The following TBCK variants were observed in gnomAD, a reference collection of about 807,000 sequenced individuals.
The protein encoded by TBCK is TBC domain-containing protein kinase-like protein.
In TBCK, 99 loss-of-function variants were observed where a neutral mutation model predicts 113.4. The ratio of observed to expected loss-of-function variants is 0.87; its 90% CI spans 0.74 to 1.03. The LOEUF is 1.03. TBCK is among the 50% of genes least tolerant of loss of function. The probability of loss-of-function intolerance (pLI) is 0.00; values close to 1 mark genes in which losing one functional copy is unlikely to be tolerated. For synonymous variants in TBCK, 369 were observed against 370.8 expected (o/e 1.00, Z 0.05); for missense variants, 1,045 against 1,061.3 (o/e 0.98, Z 0.21).
chr4:106,297,304 T>G (rs1766417807), intron 2 of TBCK, among the ~76,000 whole-genome samples: 1 of 152,192 alleles, frequency 6.6e-6, no homozygotes, highest in South Asian at 2.1e-4. Flanking sequence ...TAATTTACTG[T>G]TAAAGTCTGT....
intron 25 of TBCK, among the ~76,000 whole-genome samples, chr4:106,081,007 A>G (rs1435496473): frequency 2.0e-5 from 3 of 152,204 alleles, no homozygotes; most frequent in Non-Finnish European, 4.4e-5. Context: ...GATTATTAAA[A>G]AGTCAAACAA....
chr4:106,279,231 C>G (rs1339762054), intron 3 of TBCK, among the ~76,000 whole-genome samples: 1 of 152,158 alleles, frequency 6.6e-6, no homozygotes. Context: ...TGATTGAATA[C>G]AGAAAATATA....
intron 23 of TBCK, among the ~76,000 whole-genome samples, chr4:106,123,803 G>A: frequency 6.7e-6 from 1 of 149,322 alleles, no homozygotes; most frequent in Non-Finnish European, 1.5e-5. Context: ...GCCATATGTA[G>A]AAAGCTGAAA....
intron 24 of TBCK, among the ~76,000 whole-genome samples, chr4:106,098,845 A>G (rs956688426): frequency 6.6e-6 from 1 of 152,040 alleles, no homozygotes; most frequent in Admixed American, 6.5e-5. Context: ...ATTCAGCTCA[A>G]TATTCCATTT....
At chr4:106,228,973 A>G (rs190424725) in intron 19 of TBCK, among the ~76,000 whole-genome samples, 1 of 152,130 alleles carries the variant, frequency 6.6e-6, no homozygotes, top group Admixed American at 6.5e-5. Flanking sequence ...TGTAGTTTTG[A>G]CTTGAATTTC....
intron 22 of TBCK, among the ~76,000 whole-genome samples, chr4:106,190,111 C>T (rs943952829): frequency 1.3e-5 from 2 of 152,104 alleles, no homozygotes; most frequent in African/African-American, 4.8e-5. Flanking sequence ...AGCCTACTGG[C>T]TATAATAAGC....
At chr4:106,288,033 T>C (rs1202429994) in intron 3 of TBCK, among the ~76,000 whole-genome samples, 1 of 151,366 alleles carries the variant, frequency 6.6e-6, no homozygotes, top group Non-Finnish European at 1.5e-5. Flanking sequence ...AACATCTTCA[T>C]TAACAACACA....
At position 106,308,336 on chromosome 4, in the gene TBCK, T is replaced by C. The variant is rs542757246; in HGVS notation, c.193+432A>G. Among the ~76,000 whole-genome samples the C allele has an allele frequency of 2.6e-5, 4 of 152,204 alleles. No individual in the cohort carries two copies. The South Asian group carries it at 8.3e-4, about 32-fold the overall frequency. On this transcript the variant is annotated intron_variant, in intron 2 of 25. Coordinates refer to ENST00000394708, the MANE Select transcript of TBCK (RefSeq NM_001163435.3). ...ATGTGATAAAAGCTATAAAAGAACT[T>C]AGGAAAAAGACTTAGCTCAGATTGC...
intron 23 of TBCK, among the ~76,000 whole-genome samples, chr4:106,131,487 C>G (rs1195760842): frequency 1.3e-5 from 2 of 152,130 alleles, no homozygotes; most frequent in African/African-American, 4.8e-5. Flanking sequence ...GTGGCGCATG[C>G]CTGTAATCCC....
At chr4:106,083,460 G>A (rs926435374) in intron 25 of TBCK, among the ~76,000 whole-genome samples, 9 of 152,194 alleles carry the variant, frequency 5.9e-5, no homozygotes, top group Admixed American at 1.3e-4. Flanking sequence ...CTGGGGGATC[G>A]GGGAGGTGGC....
At position 106,052,733 on chromosome 4, in the gene TBCK, C is replaced by T. The variant is rs1036298702; in HGVS notation, c.2572-6053G>A. Among the ~76,000 whole-genome samples the T allele has an allele frequency of 5.9e-5, 9 of 151,660 alleles. No individual in the cohort carries two copies. In the East Asian group the frequency reaches 1.5e-3, roughly 26 times the overall value. On this transcript the variant is annotated intron_variant, in intron 25 of 25. Coordinates refer to ENST00000394708, the MANE Select transcript of TBCK (RefSeq NM_001163435.3). ...TTTATTTCATGTCTTCCCATTCTTT[C>T]TCTGTACATTTTTATTTTAAAAAAA... is the stretch of plus-strand genomic sequence containing the variant.
intron 12 of TBCK, among the ~76,000 whole-genome samples, chr4:106,241,598 A>G (rs1027744706): frequency 6.6e-6 from 1 of 152,000 alleles, no homozygotes; most frequent in Non-Finnish European, 1.5e-5. Context: ...TATACATAGA[A>G]AAAGTTGGTA....
chr4:106,225,354 A>T (rs1334649402), intron 19 of TBCK, among the ~76,000 whole-genome samples: 1 of 152,236 alleles, frequency 6.6e-6, no homozygotes, highest in Non-Finnish European at 1.5e-5. Context: ...TAATACTTAG[A>T]GAAACAAGCA....
At chr4:106,102,040 T>C (rs1741615750) in intron 24 of TBCK, among the ~76,000 whole-genome samples, 1 of 152,234 alleles carries the variant, frequency 6.6e-6, no homozygotes, top group African/African-American at 2.4e-5. Context: ...TTTACCTAGA[T>C]TAACATTTCA....
chr4:106,270,307 A>C (rs1434844254), intron 3 of TBCK, among the ~76,000 whole-genome samples: 1 of 152,192 alleles, frequency 6.6e-6, no homozygotes. Context: ...GAGGATCTCA[A>C]GATTGGCTGC....
intron 19 of TBCK, among the ~76,000 whole-genome samples, chr4:106,221,092 G>T (rs1757624879): frequency 6.6e-6 from 1 of 152,236 alleles, no homozygotes; most frequent in South Asian, 2.1e-4. Flanking sequence ...GCTAATTAAG[G>T]ATCTGCTGAA....
intron 11 of TBCK, 75 bp from the exon 12 acceptor site, chr4:106,242,644 C>T: frequency 1.0e-6 from 1 of 975,324 alleles, no homozygotes; most frequent in East Asian, 2.7e-5. Context: ...AAAGTTTATT[C>T]TAAGTCATCA....
At chr4:106,084,761 C>A (rs1739304519) in intron 25 of TBCK, among the ~76,000 whole-genome samples, 1 of 152,154 alleles carries the variant, frequency 6.6e-6, no homozygotes, top group African/African-American at 2.4e-5. Context: ...ACTCTACAAG[C>A]CAGAAGAGAC....
At chr4:106,298,622 A>C (rs74378472) in intron 2 of TBCK, among the ~76,000 whole-genome samples, 2,043 of 152,062 alleles carry the variant, frequency 0.013, 49 homozygotes, top group African/African-American at 0.046. Context: ...ACAACAACAA[A>C]AAAAAGAAGA....
Sources: allele counts gnomAD v4.1 joint callset (sites outside exome capture counted in the v4.1 genomes callset), GRCh38; gene constraint gnomAD v4.1.1; transcripts MANE v1.5; gene names NCBI Gene and HGNC (gene_info 2026-07-23, HGNC 2026-07-21).